The following AUTS2 variants were observed in gnomAD, a reference collection of about 807,000 sequenced individuals.
AUTS2 encodes autism susceptibility gene 2 protein.
Under a neutral mutation model 112.4 loss-of-function variants are expected in AUTS2, and 17 were observed. The ratio of observed to expected loss-of-function variants is 0.15; its 90% confidence interval spans 0.10 to 0.23. The LOEUF is 0.23. AUTS2 is among the 10% of genes least tolerant of loss of function. The pLI is 1.00. For missense variants in AUTS2, 1,510 were observed against 1,701.6 expected, an observed-to-expected ratio of 0.89 and a Z score of 1.98; for synonymous variants, 751 against 702.7, an observed-to-expected ratio of 1.07 and a Z score of -1.09.
At chr7:70,702,621 A>C (rs926844636) in intron 6 of AUTS2, among the ~76,000 whole-genome samples, 1 of 152,150 alleles carries the variant, frequency 6.6e-6, no homozygotes. Flanking sequence ...GAGGCCCCTC[A>C]TTCTGCTTCT....
intron 4 of AUTS2, among the ~76,000 whole-genome samples, chr7:70,399,253 G>A (rs898552424): frequency 1.3e-5 from 2 of 151,946 alleles, no homozygotes; most frequent in Non-Finnish European, 2.9e-5. Context: ...GCTTCTCAAA[G>A]TGCTGGGATT....
At chr7:70,306,243 G>A (rs1328324809) in intron 4 of AUTS2, among the ~76,000 whole-genome samples, 2 of 152,212 alleles carry the variant, frequency 1.3e-5, no homozygotes, top group Non-Finnish European at 2.9e-5. Context: ...TCTGATTGGT[G>A]AGTGATGGTA....
intron 2 of AUTS2, among the ~76,000 whole-genome samples, chr7:69,975,429 C>A (rs1798015231): frequency 6.6e-6 from 1 of 152,080 alleles, no homozygotes; most frequent in Non-Finnish European, 1.5e-5. Flanking sequence ...ATCATTTCTT[C>A]ATGTACTTTT....
chr7:69,649,792 G>A (rs992982536), intron 1 of AUTS2, among the ~76,000 whole-genome samples: 3 of 152,148 alleles, frequency 2.0e-5, no homozygotes, highest in Admixed American at 2.0e-4. Flanking sequence ...ATAAGGAGGC[G>A]AATCTAACCC....
At chr7:70,020,195 A>G (rs919892718) in intron 2 of AUTS2, among the ~76,000 whole-genome samples, 9 of 152,308 alleles carry the variant, frequency 5.9e-5, no homozygotes, top group South Asian at 2.1e-4. Context: ...CCTCTCCCCA[A>G]ATTGACACCA....
intron 5 of AUTS2, among the ~76,000 whole-genome samples, chr7:70,439,978 CAT>C: frequency 6.6e-6 from 1 of 152,154 alleles, no homozygotes; most frequent in East Asian, 1.9e-4. Context: ...ATGGCTGACA[CAT>C]GTTTCTGACT....
At chr7:70,286,140 C>T (rs150061746) in intron 4 of AUTS2, among the ~76,000 whole-genome samples, 2 of 152,262 alleles carry the variant, frequency 1.3e-5, no homozygotes, top group African/African-American at 4.8e-5. Context: ...GCAAAATGTT[C>T]TCAGAGAATG....
At chr7:70,118,401 G>A in intron 3 of AUTS2, 168 bp downstream of exon 3, 1 of 788,732 alleles carries the variant, frequency 1.3e-6, no homozygotes. Flanking sequence ...TTTGAGCATT[G>A]TAGTTATGGT....
chr7:70,790,302 C>T lies in AUTS2; in HGVS notation c.3086C>T (p.Thr1029Met), dbSNP rs755394081. 1 of 1,613,584 alleles carries T rather than the reference C, an allele frequency of 6.2e-7. No homozygotes were observed. Among genetic ancestry groups the T allele is most frequent in the South Asian group, 1.1e-5 (1 of 91,070 alleles). Residue 1029 changes from threonine to methionine, a missense_variant, in exon 19 of 19, where the codon ACG becomes ATG. By Grantham distance (81) the Thr-to-Met change is moderately conservative. Transcript: ENST00000342771. The surrounding 1 kb of genome is among the most constrained non-coding windows in gnomAD (Gnocchi z 7.6). ...LASMPMTVGV[T>M]GIHPMNSISS... Reference sequence around the variant, plus strand: ...TCGATGCCCATGACGGTGGGGGTGACGGGCATTCACCCCATGAACAGCATC... The same window carrying T: ...TCGATGCCCATGACGGTGGGGGTGATGGGCATTCACCCCATGAACAGCATC...
At chr7:70,210,071 C>A (rs981743541) in intron 4 of AUTS2, among the ~76,000 whole-genome samples, 4 of 152,018 alleles carry the variant, frequency 2.6e-5, no homozygotes, top group African/African-American at 4.8e-5. Flanking sequence ...GGAATTAAAC[C>A]GTGTGCATTC....
intron 1 of AUTS2, among the ~76,000 whole-genome samples, chr7:69,733,431 T>G (rs770529822): frequency 3.5e-4 from 53 of 152,180 alleles, no homozygotes; most frequent in Non-Finnish European, 1.0e-4. Flanking sequence ...ATTGTCAATA[T>G]TTTGGACATA....
intron 4 of AUTS2, among the ~76,000 whole-genome samples, chr7:70,349,854 C>A (rs551576310): frequency 6.6e-6 from 1 of 152,188 alleles, no homozygotes; most frequent in South Asian, 2.1e-4. Context: ...ATCAGCTGGA[C>A]GTCAATACCC....
At chr7:70,077,029 G>A (rs1253695231) in intron 2 of AUTS2, among the ~76,000 whole-genome samples, 1 of 152,190 alleles carries the variant, frequency 6.6e-6, no homozygotes, top group Non-Finnish European at 1.5e-5. Context: ...TCATGTAGAA[G>A]AGGAATTAGA....
At chr7:70,726,839 G>A (rs747359441) in intron 6 of AUTS2, among the ~76,000 whole-genome samples, 17 of 152,190 alleles carry the variant, frequency 1.1e-4, no homozygotes, top group Non-Finnish European at 2.5e-4. Context: ...TGAGAGGCAG[G>A]TGTAAAGGAT....
intron 1 of AUTS2, among the ~76,000 whole-genome samples, chr7:69,703,271 C>T (rs549993857): frequency 6.6e-6 from 1 of 152,246 alleles, no homozygotes; most frequent in South Asian, 2.1e-4. Context: ...CTGTCTACAA[C>T]TTGTTTAACC....
intron 2 of AUTS2, among the ~76,000 whole-genome samples, chr7:70,017,579 C>T (rs900309210): frequency 2.6e-5 from 4 of 152,118 alleles, no homozygotes; most frequent in African/African-American, 7.2e-5. Context: ...GAGCTGGTTC[C>T]CTGCCCTGCA....
intron 1 of AUTS2, among the ~76,000 whole-genome samples, chr7:69,661,535 A>G (rs771475160): frequency 2.6e-5 from 4 of 152,190 alleles, no homozygotes; most frequent in Non-Finnish European, 4.4e-5. Flanking sequence ...ACCTGCCTCT[A>G]TAAATACATT....
chr7:70,739,739 G>A (rs1024126963), intron 6 of AUTS2, among the ~76,000 whole-genome samples: 3 of 150,582 alleles, frequency 2.0e-5, no homozygotes, highest in Non-Finnish European at 4.4e-5. Context: ...CACCAAGGCT[G>A]TGCTTGAACA....
At chr7:69,897,274 G>A (rs985167210) in intron 1 of AUTS2, among the ~76,000 whole-genome samples, 5 of 152,214 alleles carry the variant, frequency 3.3e-5, no homozygotes, top group Admixed American at 6.5e-5. Flanking sequence ...AAAGGCCTGC[G>A]TTAGTTTGTC....
Sources: gnomAD v4.1 joint callset for allele counts (sites outside exome capture counted in the v4.1 genomes callset) on GRCh38, gnomAD v4.1.1 for gene constraint, Gnocchi (gnomAD v3.1) non-coding constraint, MANE v1.5 for transcripts, NCBI Gene and HGNC (gene_info 2026-07-23, HGNC 2026-07-21) for gene names.